Variants in PCDHGB5 observed in about 807,000 individuals in gnomAD.
PCDHGB5 encodes protocadherin gamma subfamily B, 5.
Under a neutral mutation model 62.9 loss-of-function variants are expected in PCDHGB5, and 48 were observed. The ratio of observed to expected loss-of-function variants is 0.76; its 90% CI spans 0.61 to 0.97. The LOEUF (loss-of-function observed/expected upper bound fraction) is 0.97. PCDHGB5 is among the 50% of genes least tolerant of loss of function. The pLI is 0.00. For missense variants in PCDHGB5, 1,118 were observed against 1,198.6 expected, an observed-to-expected ratio of 0.93 and a Z score of 0.99; for synonymous variants, 474 against 511.2, an observed-to-expected ratio of 0.93 and a Z score of 0.98.
chr5:141,418,749 C>A, intron 1 of PCDHGB5: 1 of 1,613,866 alleles, frequency 6.2e-7, no homozygotes, highest in South Asian at 1.1e-5. Flanking sequence ...CTGGATTACA[C>A]TACAGGAAAC....
Position 141,489,772 on chromosome 5 carries a change from T to C in PCDHGB5, c.2398-5035T>C, listed in dbSNP as rs1327700197. 6.2e-7 allele frequency: 1 copy of C among 1,614,154 alleles called. No individual in the cohort carries two copies. The highest frequency in any genetic ancestry group is 8.5e-7 in the Non-Finnish European group (1 of 1,179,994). ...TTACACTCTAAGCCCCAACAGCCAC[T>C]TCTCTCTGAATGTGAAGACCCTAAA... On this transcript the variant is annotated intron_variant, in intron 1 of 3. Coordinates refer to ENST00000617380, the MANE Select transcript of PCDHGB5 (RefSeq NM_018925.3). This position sits in a 1 kb window ranked among gnomAD's most constrained non-coding sequence, Gnocchi z 4.5.
chr5:141,451,536 G>A (rs1183287437), intron 1 of PCDHGB5, among the ~76,000 whole-genome samples: 1 of 152,202 alleles, frequency 6.6e-6, no homozygotes, highest in Non-Finnish European at 1.5e-5. Context: ...GAGAGTGCCA[G>A]AGAGGGCAAA....
At chr5:141,471,046 C>CTTT (rs1170588345) in intron 1 of PCDHGB5, among the ~76,000 whole-genome samples, 3 of 113,252 alleles carry the variant, frequency 2.6e-5, no homozygotes, top group Non-Finnish European at 5.4e-5. Context: ...CCCAAGCCCT[C>CTTT]TTTTTTTTTT....
In PCDHGB5 at chr5:141,485,870, C is replaced by A. The variant is rs745737454; in HGVS notation, c.2398-8937C>A. On this transcript the variant is annotated intron_variant, in intron 1 of 3. Coordinates refer to ENST00000617380, the MANE Select transcript of PCDHGB5 (RefSeq NM_018925.3). The surrounding 1 kb of genome is among the most constrained non-coding windows in gnomAD (Gnocchi z 5.7). ...CACCGCAGAGCTCCGGGTATCCGTGCTGGACGTAAACGACAACGCCCCAGC... is the reference window on the plus strand; with the variant it reads ...CACCGCAGAGCTCCGGGTATCCGTGATGGACGTAAACGACAACGCCCCAGC... 1 of 1,614,174 alleles carries A rather than the reference C, an allele frequency of 6.2e-7. No homozygotes were observed. Among genetic ancestry groups the A allele is most frequent in the Non-Finnish European group, 8.5e-7 (1 of 1,180,032 alleles).
chr5:141,460,848 C>T lies in PCDHGB5; in HGVS notation c.2398-33959C>T, dbSNP rs528601988. Among the ~76,000 whole-genome samples, 257 of 150,340 alleles carry T rather than the reference C, an allele frequency of 1.7e-3. 1 individual carries two copies. The highest frequency in any genetic ancestry group is 4.2e-3 in the Admixed American group (62 of 14,868). ...ACACTTAAAGTAATGGCCTCCAGTT[C>T]GATCCAAGTTGCTGCAAAGGACATT... is the stretch of plus-strand genomic sequence containing the variant. On this transcript the variant is annotated intron_variant, in intron 1 of 3. Transcript: ENST00000617380.
chr5:141,419,785 G>T, intron 1 of PCDHGB5: 2 of 1,614,052 alleles, frequency 1.2e-6, no homozygotes, highest in Non-Finnish European at 1.7e-6. Flanking sequence ...GCCAGCGCCT[G>T]CTAGTCGCTG....
chr5:141,432,093 C>A lies in PCDHGB5; in HGVS notation c.2397+31569C>A. The A allele has an allele frequency of 1.2e-6, 2 of 1,614,170 alleles. No homozygotes were observed. Among genetic ancestry groups the A allele is most frequent in the Non-Finnish European group, 1.7e-6 (2 of 1,180,046 alleles). On this transcript the variant is annotated intron_variant, in intron 1 of 3. Coordinates refer to ENST00000617380, the MANE Select transcript of PCDHGB5 (RefSeq NM_018925.3). The surrounding 1 kb of genome is among the most constrained non-coding windows in gnomAD (Gnocchi z 6.0). ...CATATCTCGCTGAACGTGGCAGACA[C>A]CAACGACAACCCGCCGGTCTTCCCT...
At chr5:141,401,805 G>C (rs1307812903) in intron 1 of PCDHGB5, among the ~76,000 whole-genome samples, 1 of 152,132 alleles carries the variant, frequency 6.6e-6, no homozygotes, top group Non-Finnish European at 1.5e-5. Context: ...TTCAGTAAAT[G>C]GGTTCCTTAC....
At position 141,423,537 on chromosome 5, in the gene PCDHGB5, T is replaced by A. The variant is rs201034039; in HGVS notation, c.2397+23013T>A. 1.4e-4 allele frequency: 225 copies of A among 1,613,694 alleles called. 2 individuals carry two copies. In the South Asian group the frequency reaches 2.3e-3, roughly 16 times the overall value. On this transcript the variant is annotated intron_variant, in intron 1 of 3. Coordinates refer to ENST00000617380, the MANE Select transcript of PCDHGB5 (RefSeq NM_018925.3). ...CGGACTCGCAGAAGAGTCACCTGAT[T>A]TTCCCCCAGCCCAACTATGGGGACA...
At chr5:141,501,312 C>T (rs2099807672) in intron 2 of PCDHGB5, among the ~76,000 whole-genome samples, 1 of 151,778 alleles carries the variant, frequency 6.6e-6, no homozygotes, top group South Asian at 2.1e-4. Context: ...CACACACACA[C>T]ACACACACAC....
intron 1 of PCDHGB5, among the ~76,000 whole-genome samples, chr5:141,438,396 A>T (rs1026490705): frequency 6.6e-6 from 1 of 150,930 alleles, no homozygotes. Context: ...TTCATCATTA[A>T]CTCTCTGAAG....
At position 141,480,148 on chromosome 5, in the gene PCDHGB5, G is replaced by C. The variant is rs139861128; in HGVS notation, c.2398-14659G>C. On this transcript the variant is annotated intron_variant, in intron 1 of 3. Transcript: ENST00000617380. ...ATAACTGTTAAACAATTATTAGCCA[G>C]CTCCTAGCATTTTGGGAGGCTGAGG... 9.2e-4 allele frequency among the ~76,000 whole-genome samples: 140 copies of C among 152,036 alleles called. 1 individual carries two copies. The highest frequency in any genetic ancestry group is 3.1e-3 in the African/African-American group (127 of 41,470).
In PCDHGB5 at chr5:141,430,383, GAA is replaced by G. The variant is rs139772145; in HGVS notation, c.2397+29871_2397+29872del. Among the ~76,000 whole-genome samples the G allele has an allele frequency of 1.3e-3, 180 of 138,574 alleles. 1 individual carries two copies. Among genetic ancestry groups the G allele is most frequent in the African/African-American group, 4.5e-3 (169 of 37,858 alleles). 90.9% of individuals were successfully genotyped at this position (138,574 alleles called of 152,430 possible). A position where few individuals can be genotyped will look rare whatever the true frequency, so the allele number is the denominator to read the frequency against. On this transcript the variant is annotated intron_variant, in intron 1 of 3. Coordinates refer to ENST00000617380, the MANE Select transcript of PCDHGB5 (RefSeq NM_018925.3). ...CATTGGGGAAAAAAAAGCTCATTGG[GAA>G]AAAAAAAAAAAGCTCACTAAAGTTT...
chr5:141,415,750 T>G lies in PCDHGB5; in HGVS notation c.2397+15226T>G, dbSNP rs758016978. 309 of 1,313,170 alleles carry G rather than the reference T, an allele frequency of 2.4e-4. No individual in the cohort carries two copies. In the East Asian group the frequency reaches 2.9e-3, roughly 12 times the overall value. 81.3% of individuals were successfully genotyped at this position (1,313,170 alleles called of 1,614,324 possible). On this transcript the variant is annotated intron_variant, in intron 1 of 3. Coordinates refer to ENST00000617380, the MANE Select transcript of PCDHGB5 (RefSeq NM_018925.3). Reference sequence around the variant, plus strand: ...TTGATGTTTATTAAGGTTTTTTTTTTTTTTTTTTTTTTTTTTTTTTTTACT... The same window carrying G: ...TTGATGTTTATTAAGGTTTTTTTTTGTTTTTTTTTTTTTTTTTTTTTTACT...
rs1340974686 is a variant in PCDHGB5, at chr5:141,477,604, C to T, written c.2398-17203C>T. The T allele has an allele frequency of 6.2e-7, 1 of 1,614,084 alleles. No individual in the cohort carries two copies. Among genetic ancestry groups the T allele is most frequent in the Non-Finnish European group, 8.5e-7 (1 of 1,180,054 alleles). ...AGAATGCTCGGCTTTCTTTCTTTCT[C>T]TTGGAGCAAGGAGCTGAAACCGGGC... On this transcript the variant is annotated intron_variant, in intron 1 of 3. Coordinates refer to ENST00000617380, the MANE Select transcript of PCDHGB5 (RefSeq NM_018925.3). The surrounding 1 kb of genome is among the most constrained non-coding windows in gnomAD (Gnocchi z 4.9).
At chr5:141,421,305 G>A in intron 1 of PCDHGB5, 23 of 1,613,652 alleles carry the variant, frequency 1.4e-5, no homozygotes, top group Non-Finnish European at 1.9e-5. Context: ...CGCTGCGGGG[G>A]TTCCGGGCCA....
intron 1 of PCDHGB5, among the ~76,000 whole-genome samples, chr5:141,474,926 C>T (rs756761848): frequency 1.3e-5 from 2 of 152,218 alleles, no homozygotes; most frequent in Non-Finnish European, 2.9e-5. Context: ...TCATCTCTGG[C>T]TTATATCACA....
chr5:141,404,630 C>T (rs1391155615), intron 1 of PCDHGB5: 1 of 1,614,154 alleles, frequency 6.2e-7, no homozygotes, highest in Admixed American at 1.7e-5. Flanking sequence ...TGACAATGCC[C>T]CAGAAATCCT....
At chr5:141,499,908 G>A (rs903753761) in intron 2 of PCDHGB5, among the ~76,000 whole-genome samples, 2 of 151,980 alleles carry the variant, frequency 1.3e-5, no homozygotes, top group African/African-American at 2.4e-5. Flanking sequence ...GGCTGGTCTT[G>A]AACTCCTGGC....
Sources: allele counts gnomAD v4.1 joint callset (sites outside exome capture counted in the v4.1 genomes callset), GRCh38; gene constraint gnomAD v4.1.1; non-coding constraint Gnocchi (gnomAD v3.1); transcripts MANE v1.5; gene names NCBI Gene and HGNC (gene_info 2026-07-23, HGNC 2026-07-21).